AK7: variants seen among roughly 807,000 people sequenced by gnomAD.
AK7 encodes the protein ATP-AMP transphosphorylase 7.
In AK7, 78 loss-of-function variants were observed where a neutral mutation model predicts 96.6. The ratio of observed to expected loss-of-function variants is 0.81; its 90% confidence interval spans 0.67 to 0.97. The LOEUF (loss-of-function observed/expected upper bound fraction) is 0.97, where lower values mean the gene tolerates loss of function less well. Ranked by LOEUF, AK7 falls within the 50% of genes least tolerant of loss-of-function variation. The pLI, the probability that AK7 is intolerant of heterozygous loss-of-function variation, is 0.00. For missense variants in AK7, 855 were observed against 887.9 expected (o/e 0.96, Z 0.47); for synonymous variants, 302 against 317.2 (o/e 0.95, Z 0.51).
At chr14:96,466,839 T>C (rs1272314348) in intron 12 of AK7, among the ~76,000 whole-genome samples, 1 of 152,196 alleles carries the variant, frequency 6.6e-6, no homozygotes, top group Admixed American at 6.6e-5. Flanking sequence ...AACAAGCCTT[T>C]AGATCACCAA....
intron 4 of AK7, 133 bp downstream of exon 4, chr14:96,409,074 G>T (rs1890890523): frequency 1.2e-6 from 1 of 857,892 alleles, no homozygotes; most frequent in Non-Finnish European, 1.8e-6. Flanking sequence ...TAAGCACCCA[G>T]CAGAGTTTAC....
intron 5 of AK7, among the ~76,000 whole-genome samples, chr14:96,433,651 G>A (rs1325023394): frequency 4.6e-5 from 7 of 152,022 alleles, no homozygotes; most frequent in Non-Finnish European, 8.8e-5. Flanking sequence ...TGTTATTACC[G>A]ACCTTCTGAA....
intron 6 of AK7, 148 bp from the exon 7 acceptor site, chr14:96,442,582 A>G: frequency 1.4e-6 from 1 of 710,174 alleles, no homozygotes; most frequent in Non-Finnish European, 2.6e-6. Flanking sequence ...AAATCTCATC[A>G]GGGCTGATTT....
chr14:96,417,622 A>G (rs1206232202), intron 4 of AK7, among the ~76,000 whole-genome samples: 1 of 152,174 alleles, frequency 6.6e-6, no homozygotes, highest in East Asian at 1.9e-4. Context: ...TGTATCATAA[A>G]CACACTTTGC....
At chr14:96,475,978 T>G (rs533319459) in intron 14 of AK7, among the ~76,000 whole-genome samples, 1 of 42,394 alleles carries the variant, frequency 2.4e-5, no homozygotes, top group East Asian at 9.1e-4. Context: ...CCCTGTCTCT[T>G]AAAAAAAAAA....
At chr14:96,403,793 G>A (rs568888653) in intron 2 of AK7, among the ~76,000 whole-genome samples, 3 of 152,248 alleles carry the variant, frequency 2.0e-5, no homozygotes, top group South Asian at 2.1e-4. Context: ...TGCACTCAAG[G>A]TATTGTACTA....
At chr14:96,428,962 G>A (rs534976155) in intron 5 of AK7, among the ~76,000 whole-genome samples, 1 of 152,202 alleles carries the variant, frequency 6.6e-6, no homozygotes, top group Admixed American at 6.5e-5. Flanking sequence ...AAGCTCTTTA[G>A]TTTAGTTAGA....
rs188830139 is a variant in AK7, at chr14:96,452,130, A to T, written c.1098+560A>T. Among the ~76,000 whole-genome samples, 9 of 152,332 alleles carry T rather than the reference A, an allele frequency of 5.9e-5. No homozygotes were observed. The South Asian group carries it at 1.2e-3, about 21-fold the overall frequency. On this transcript the variant is annotated intron_variant, in intron 10 of 17. Coordinates refer to ENST00000267584, the MANE Select transcript of AK7 (RefSeq NM_152327.5). ...CTTTTTTAAAAAAGTAATTAATTGA[A>T]ATGGACAAATAGATTATATACATGT... is the stretch of plus-strand genomic sequence containing the variant.
At chr14:96,398,381 C>A in intron 2 of AK7, 118 bp downstream of exon 2, 1 of 1,064,136 alleles carries the variant, frequency 9.4e-7, no homozygotes, top group Non-Finnish European at 1.4e-6. Flanking sequence ...CAGACATGGC[C>A]AGGTTGAGGG....
At chr14:96,416,685 A>G (rs1021927130) in intron 4 of AK7, among the ~76,000 whole-genome samples, 2 of 152,230 alleles carry the variant, frequency 1.3e-5, no homozygotes. Flanking sequence ...TGATGCAAAC[A>G]GTTGGGAGGA....
In AK7 at chr14:96,489,013, T is replaced by C. The variant is rs1018713605; in HGVS notation, c.*670T>C. On this transcript the variant is annotated 3_prime_UTR_variant, in exon 18 of 18. Transcript: ENST00000267584. ...AATATTTTCAACACACTTTATAACA[T>C]AGGCATAAGTTATCAATCCTATAGT... The C allele has an allele frequency of 1.3e-5, 2 of 152,174 alleles. No homozygotes were observed. The highest frequency in any genetic ancestry group is 2.9e-5 in the Non-Finnish European group (2 of 68,026). The allele number at this position is 152,174 out of a possible 1,614,324, so 9.4% of individuals were successfully genotyped here. A position where few individuals can be genotyped will look rare whatever the true frequency, so the allele number is the denominator to read the frequency against.
Position 96,480,872 on chromosome 14 carries a change from TG to T in AK7, c.1754-2123del, listed in dbSNP as rs1895466713. On this transcript the variant is annotated intron_variant, in intron 15 of 17. Transcript: ENST00000267584. ...AGAAATGTATCCTAAGGATGGGAGA[TG>T]GGGAGGGCGTCTCACAGCCAGGGAT... Among the ~76,000 whole-genome samples the T allele has an allele frequency of 2.6e-5, 4 of 152,148 alleles. No individual in the cohort carries two copies. The South Asian group carries it at 8.3e-4, about 32-fold the overall frequency.
chr14:96,424,024 G>T (rs1423143813), intron 5 of AK7: 23 of 763,710 alleles, frequency 3.0e-5, no homozygotes, highest in Non-Finnish European at 2.2e-5. Flanking sequence ...CAAGACCCAG[G>T]TGTAGAGTTT....
intron 15 of AK7, among the ~76,000 whole-genome samples, chr14:96,478,944 A>C (rs1323740092): frequency 6.6e-6 from 1 of 150,786 alleles, no homozygotes; most frequent in Non-Finnish European, 1.5e-5. Flanking sequence ...AGTCTCGCTC[A>C]GTTGCCCAAG....
At chr14:96,465,578 A>G (rs1237396862) in intron 12 of AK7, among the ~76,000 whole-genome samples, 2 of 152,342 alleles carry the variant, frequency 1.3e-5, no homozygotes, top group African/African-American at 2.4e-5. Context: ...TGTTTTATCA[A>G]TACACTAAAA....
intron 2 of AK7, among the ~76,000 whole-genome samples, chr14:96,403,103 A>G (rs7145660): frequency 0.74 from 111,517 of 150,968 alleles, 41,750 homozygotes; most frequent in African/African-American, 0.85. Flanking sequence ...GCAACAGAGC[A>G]AGACTCTGTC....
intron 5 of AK7, among the ~76,000 whole-genome samples, chr14:96,428,623 C>T (rs1283495065): frequency 6.6e-6 from 1 of 152,074 alleles, no homozygotes; most frequent in African/African-American, 2.4e-5. Context: ...TCTCCAGCAC[C>T]GTTGTTTCCT....
intron 12 of AK7, among the ~76,000 whole-genome samples, chr14:96,460,411 C>T (rs1381406013): frequency 1.3e-5 from 2 of 152,130 alleles, no homozygotes; most frequent in Non-Finnish European, 2.9e-5. Flanking sequence ...TTCTGATCCT[C>T]CAGGGATCAA....
chr14:96,477,578 A>T (rs1895255778), intron 14 of AK7, among the ~76,000 whole-genome samples: 1 of 152,198 alleles, frequency 6.6e-6, no homozygotes, highest in Admixed American at 6.5e-5. Flanking sequence ...TAAATCTCTC[A>T]TTCACTCAAC....
Sources: allele counts gnomAD v4.1 joint callset (sites outside exome capture counted in the v4.1 genomes callset), GRCh38; gene constraint gnomAD v4.1.1; transcripts MANE v1.5; gene names NCBI Gene and HGNC (gene_info 2026-07-23, HGNC 2026-07-21).